The following INTS2 variants were observed in gnomAD, a reference collection of about 807,000 sequenced individuals.
INTS2 encodes integrator complex subunit 2.
INTS2 carries 57 observed loss-of-function variants against 139.6 expected under a neutral mutation model. The ratio of observed to expected loss-of-function variants is 0.41; its 90% confidence interval spans 0.33 to 0.51. The LOEUF (loss-of-function observed/expected upper bound fraction) is 0.51. INTS2 is among the 20% of genes least tolerant of loss of function. The probability of loss-of-function intolerance (pLI) is 0.28; values close to 1 mark genes in which losing one functional copy is unlikely to be tolerated. For synonymous variants in INTS2, 473 were observed against 493.4 expected (o/e 0.96, Z 0.55); for missense variants, 1,196 against 1,436.7 (o/e 0.83, Z 2.71).
intron 4 of INTS2, among the ~76,000 whole-genome samples, chr17:61,920,180 CTT>C (rs772038233): frequency 5.0e-5 from 6 of 119,124 alleles, no homozygotes; most frequent in Non-Finnish European, 5.2e-5. Context: ...ATCTTATTTG[CTT>C]TTTTTTTTTT....
chr17:61,925,438 A>G (rs1455576568), intron 2 of INTS2, among the ~76,000 whole-genome samples: 2 of 151,956 alleles, frequency 1.3e-5, no homozygotes, highest in Admixed American at 6.6e-5. Context: ...AAAGCCGGGC[A>G]TGGTGGCGCG....
chr17:61,905,408 A>C (rs1603379916), intron 8 of INTS2, among the ~76,000 whole-genome samples: 13 of 152,028 alleles, frequency 8.6e-5, no homozygotes, highest in Admixed American at 7.9e-4. Context: ...CTCACTGCAA[A>C]CTCTACCTCC....
At chr17:61,878,672 T>C (rs1321733683) in intron 17 of INTS2, among the ~76,000 whole-genome samples, 2 of 152,078 alleles carry the variant, frequency 1.3e-5, no homozygotes, top group African/African-American at 4.8e-5. Flanking sequence ...ATAGGCATGG[T>C]GGCTCACACC....
rs886216382 is a variant in INTS2, at chr17:61,876,085, T to C, written c.2457-1047A>G. On this transcript the variant is annotated intron_variant, in intron 18 of 24. Transcript: ENST00000251334. The surrounding 1 kb of genome is among the most constrained non-coding windows in gnomAD (Gnocchi z 4.1). Reference sequence around the variant, plus strand: ...TTGGGAGGCTGAGGCAGAAGGATCGTTTGAGCCCATGAGTTGAGGTTACAG... The same window carrying C: ...TTGGGAGGCTGAGGCAGAAGGATCGCTTGAGCCCATGAGTTGAGGTTACAG... Among the ~76,000 whole-genome samples the C allele has an allele frequency of 6.6e-6, 1 of 152,064 alleles. No individual in the cohort carries two copies. Among genetic ancestry groups the C allele is most frequent in the Admixed American group, 6.6e-5 (1 of 15,254 alleles).
At chr17:61,898,557 A>C (rs1473093391) in intron 9 of INTS2, among the ~76,000 whole-genome samples, 2 of 152,118 alleles carry the variant, frequency 1.3e-5, no homozygotes, top group Non-Finnish European at 2.9e-5. Context: ...AAGCCTCCCA[A>C]AGTGCTGGAA....
At position 61,897,027 on chromosome 17, in the gene INTS2, T is replaced by C. The variant is rs75505779; in HGVS notation, c.1494+442A>G. Among the ~76,000 whole-genome samples, 567 of 152,196 alleles carry C rather than the reference T, an allele frequency of 3.7e-3. 2 individuals carry two copies. The highest frequency in any genetic ancestry group is 0.012 in the African/African-American group (515 of 41,544). Reference sequence around the variant, plus strand: ...AGCATTATACAGAAACTAGAAAATCTACATGGGAAATAATAAGGGACCTAT... The same window carrying C: ...AGCATTATACAGAAACTAGAAAATCCACATGGGAAATAATAAGGGACCTAT... On this transcript the variant is annotated intron_variant, in intron 11 of 24. Transcript: ENST00000251334. This position sits in a 1 kb window ranked among gnomAD's most constrained non-coding sequence, Gnocchi z 4.4.
rs930547974 is a variant in INTS2, at chr17:61,884,990, T to A, written c.2000A>T (p.Lys667Met). Residue 667 changes from lysine (K) to methionine (M), a missense_variant, in exon 16 of 25, where the codon AAG becomes ATG. This residue lies in a region of INTS2 where 1,129 missense variants were observed against 1,341.9 expected (regional missense o/e 0.84). Transcript: ENST00000251334. ...TAAAGAAGAAGAATATGATTTGGGC[T>A]TTCTTTGCATGGCAGCTATCAAAGA... Reference protein sequence around the residue: ...NTKTLAAMQRKPKSYSSSLMD... With the variant: ...NTKTLAAMQRMPKSYSSSLMD... 6.3e-7 allele frequency: 1 copy of A among 1,594,988 alleles called. No homozygotes were observed. Among genetic ancestry groups the A allele is most frequent in the Middle Eastern group, 1.7e-4 (1 of 6,038 alleles).
Position 61,867,421 on chromosome 17 carries a change from C to T in INTS2, c.*136G>A. The T allele has an allele frequency of 1.9e-6, 1 of 532,890 alleles. No homozygotes were observed. The highest frequency in any genetic ancestry group is 3.4e-5 in the South Asian group (1 of 29,298). 33.0% of individuals were successfully genotyped at this position (532,890 alleles called of 1,614,324 possible). ...AATTCTCATAAAGTTCTAAACTATA[C>T]TCATGTTGAATTGAATTGTTTTAGT... On this transcript the variant is annotated 3_prime_UTR_variant, in exon 25 of 25. Transcript: ENST00000251334. The surrounding 1 kb of genome is among the most constrained non-coding windows in gnomAD (Gnocchi z 5.6).
At chr17:61,899,567 T>C (rs1463354700) in intron 9 of INTS2, among the ~76,000 whole-genome samples, 1 of 152,032 alleles carries the variant, frequency 6.6e-6, no homozygotes, top group Admixed American at 6.5e-5. Flanking sequence ...TTAAGGACTT[T>C]TAAGTATCTT....
chr17:61,887,829 G>C (rs750255013), intron 15 of INTS2, among the ~76,000 whole-genome samples: 2 of 152,068 alleles, frequency 1.3e-5, no homozygotes, highest in Non-Finnish European at 2.9e-5. Context: ...GAGGTGTGTG[G>C]ATCACTTGAG....
intron 3 of INTS2, among the ~76,000 whole-genome samples, chr17:61,924,479 T>C (rs909977407): frequency 6.6e-6 from 1 of 152,146 alleles, no homozygotes; most frequent in Non-Finnish European, 1.5e-5. Flanking sequence ...AAGGCAGACT[T>C]ATAATATCCT....
rs1228326234 is a variant in INTS2 at position 61,875,043 on chromosome 17, T to C, written c.2457-5A>G. 1 of 1,576,782 alleles carries C rather than the reference T, an allele frequency of 6.3e-7. No homozygotes were observed. The highest frequency in any genetic ancestry group is 8.6e-7 in the Non-Finnish European group (1 of 1,161,732). ...TTAACCGTCATTACCCATAGCCTGA[T>C]AAGAAAATAATCACATGTTCAAAAC... is the stretch of plus-strand genomic sequence containing the variant. On this transcript the variant is annotated splice_polypyrimidine_tract_variant and splice_region_variant and intron_variant, in intron 18 of 24. Coordinates refer to ENST00000251334, the MANE Select transcript of INTS2 (RefSeq NM_001351695.2). The surrounding 1 kb of genome is among the most constrained non-coding windows in gnomAD (Gnocchi z 4.6).
Position 61,888,790 on chromosome 17 carries a change from C to T in INTS2, c.1984+996G>A, listed in dbSNP as rs561174108. 4.6e-5 allele frequency among the ~76,000 whole-genome samples: 7 copies of T among 152,098 alleles called. No individual in the cohort carries two copies. In the South Asian group the frequency reaches 1.2e-3, roughly 27 times the overall value. ...CTGTAATCCCAGCACTTTGGGAGGCCGAGGCAGGCGGATCACGAGGTTAGG... is the reference window on the plus strand; with the variant it reads ...CTGTAATCCCAGCACTTTGGGAGGCTGAGGCAGGCGGATCACGAGGTTAGG... On this transcript the variant is annotated intron_variant, in intron 15 of 24. Transcript: ENST00000251334.
In INTS2 at chr17:61,893,194, T is replaced by C. The variant is rs1478959002; in HGVS notation, c.1698+571A>G. Among the ~76,000 whole-genome samples, 2 of 152,166 alleles carry C rather than the reference T, an allele frequency of 1.3e-5. No homozygotes were observed. Among genetic ancestry groups the C allele is most frequent in the African/African-American group, 2.4e-5 (1 of 41,540 alleles). ...CACTATTGAGAATTTAAATGGAGTA[T>C]TATGCATTTTGAAAATCTTACATTG... On this transcript the variant is annotated intron_variant, in intron 13 of 24. Coordinates refer to ENST00000251334, the MANE Select transcript of INTS2 (RefSeq NM_001351695.2). This position sits in a 1 kb window ranked among gnomAD's most constrained non-coding sequence, Gnocchi z 5.4.
chr17:61,883,888 A>G (rs572053592), intron 16 of INTS2, among the ~76,000 whole-genome samples: 1 of 152,056 alleles, frequency 6.6e-6, no homozygotes, highest in Non-Finnish European at 1.5e-5. Flanking sequence ...ATAGGCCTGT[A>G]GTCCCCGCTA....
chr17:61,878,008 T>C lies in INTS2; in HGVS notation c.2335A>G (p.Ile779Val), dbSNP rs2079141133. The C allele has an allele frequency of 6.2e-7, 1 of 1,612,460 alleles. No individual in the cohort carries two copies. The change falls in exon 18 of 25, where the codon ATA becomes GTA. Residue 779 changes from isoleucine (I) to valine (V), a missense_variant. Physicochemically the swap from Ile to Val is conservative, Grantham distance 29 (BLOSUM62 3). Transcript: ENST00000251334. ...GATGTTAACACTTCCGCATATGGTA[T>C]AAGTTCACTGGCAGAGAGTAGAGTC... is the stretch of plus-strand genomic sequence containing the variant. ...HLTLLSASEL[I>V]PYAEVLTSNM...
chr17:61,890,077 T>G (rs972692142), intron 14 of INTS2, among the ~76,000 whole-genome samples, 183 bp from the exon 15 acceptor site: 1 of 152,070 alleles, frequency 6.6e-6, no homozygotes, highest in African/African-American at 2.4e-5. Flanking sequence ...TGAGATGGCA[T>G]GAGAGATGAA....
At chr17:61,911,397 T>C in intron 7 of INTS2, 123 bp downstream of exon 7, 1 of 706,512 alleles carries the variant, frequency 1.4e-6, no homozygotes, top group Non-Finnish European at 2.1e-6. Context: ...TATAAGGAGG[T>C]CCCTGAAACT....
Position 61,893,786 on chromosome 17 carries a change from G to T in INTS2, c.1677C>A (p.Thr559=). 6.3e-7 allele frequency: 1 copy of T among 1,588,318 alleles called. No homozygotes were observed. Among genetic ancestry groups the T allele is most frequent in the East Asian group, 2.3e-5 (1 of 43,990 alleles). The part of the protein sequence containing the change: ...IYQLLRSRSF[T]KHKVSIKDWI... Reference sequence around the variant, plus strand: ...ATACTTTTATTGACACTTTGTGCTTGGTAAAGGAACGGCTCCTGAGAAGCT... The same window carrying T: ...ATACTTTTATTGACACTTTGTGCTTTGTAAAGGAACGGCTCCTGAGAAGCT... The change falls in exon 13 of 25, where the codon ACC becomes ACA. Residue 559 remains threonine (T), a synonymous_variant. Transcript: ENST00000251334. The surrounding 1 kb of genome is among the most constrained non-coding windows in gnomAD (Gnocchi z 5.4).
Sources: allele counts gnomAD v4.1 joint callset (sites outside exome capture counted in the v4.1 genomes callset), GRCh38; gene constraint gnomAD v4.1.1; regional missense constraint gnomAD v4.1.1; non-coding constraint Gnocchi (gnomAD v3.1); transcripts MANE v1.5; gene names NCBI Gene and HGNC (gene_info 2026-07-23, HGNC 2026-07-21).